The following BPTF variants were observed in gnomAD, a reference collection of about 807,000 sequenced individuals.
BPTF encodes bromodomain PHD finger transcription factor.
Under a neutral mutation model 292.5 loss-of-function variants are expected in BPTF, and 18 were observed. The ratio of observed to expected loss-of-function variants is 0.06; its 90% confidence interval spans 0.04 to 0.09. The LOEUF is 0.09. Among genes scored for constraint, BPTF ranks in the 10% least tolerant of loss-of-function variants. BPTF has a pLI of 1.00. For synonymous variants in BPTF, 1,225 were observed against 1,251.9 expected, an observed-to-expected ratio of 0.98 and a Z score of 0.45; for missense variants, 2,726 against 3,498.7, an observed-to-expected ratio of 0.78 and a Z score of 5.57.
chr17:67,844,167 C>A (rs1168954257), intron 1 of BPTF, among the ~76,000 whole-genome samples: 1 of 150,068 alleles, frequency 6.7e-6, no homozygotes, highest in Non-Finnish European at 1.5e-5. Flanking sequence ...GCAACCTCCG[C>A]CTCCCAGGTT....
At chr17:67,979,352 G>T (rs1555695754) in intron 27 of BPTF, among the ~76,000 whole-genome samples, 1 of 152,050 alleles carries the variant, frequency 6.6e-6, no homozygotes, top group Non-Finnish European at 1.5e-5. Context: ...GTCGAGACCA[G>T]CCTGGCCAAC....
At position 67,923,006 on chromosome 17, in the gene BPTF, A is replaced by G; in HGVS notation, c.5708+16A>G. On this transcript the variant is annotated intron_variant, in intron 14 of 27. Coordinates refer to ENST00000306378, the MANE Select transcript of BPTF (RefSeq NM_182641.4). ...TTGCTGAGAGGTAAGGAAATGGTTA[A>G]TACCTGGTCAGCTATTTGAAGATTT... 6.3e-7 allele frequency: 1 copy of G among 1,598,954 alleles called. No individual in the cohort carries two copies. Among genetic ancestry groups the G allele is most frequent in the Non-Finnish European group, 8.5e-7 (1 of 1,175,882 alleles).
intron 1 of BPTF, among the ~76,000 whole-genome samples, chr17:67,836,367 C>T (rs1320389396): frequency 6.6e-6 from 1 of 152,142 alleles, no homozygotes; most frequent in Non-Finnish European, 1.5e-5. Context: ...GCTTCTTGCT[C>T]GATTTCAGTA....
At chr17:67,968,536 T>C (rs572330051) in intron 26 of BPTF, among the ~76,000 whole-genome samples, 1 of 151,530 alleles carries the variant, frequency 6.6e-6, no homozygotes, top group Non-Finnish European at 1.5e-5. Flanking sequence ...ACCAGCACTT[T>C]GGGAGGCTGA....
chr17:67,862,648 T>G lies in BPTF; in HGVS notation c.1437-3816T>G, dbSNP rs145809187. 2.0e-4 allele frequency among the ~76,000 whole-genome samples: 30 copies of G among 152,288 alleles called. No individual in the cohort carries two copies. In the East Asian group the frequency reaches 5.6e-3, roughly 28 times the overall value. ...TGAATTGCTAGTTTTATCAGTTTCC[T>G]GCAGCTGCTATAACAAAGTACTATA... On this transcript the variant is annotated intron_variant, in intron 2 of 27. Coordinates refer to ENST00000306378, the MANE Select transcript of BPTF (RefSeq NM_182641.4).
chr17:67,905,958 G>A (rs1455082960), intron 9 of BPTF, among the ~76,000 whole-genome samples: 1 of 152,090 alleles, frequency 6.6e-6, no homozygotes, highest in East Asian at 1.9e-4. Flanking sequence ...TAAATGTAGA[G>A]TTAATGGGTG....
At chr17:67,920,857 A>C (rs550124061) in intron 13 of BPTF, among the ~76,000 whole-genome samples, 1 of 152,230 alleles carries the variant, frequency 6.6e-6, no homozygotes, top group Non-Finnish European at 1.5e-5. Context: ...GAAAATATAT[A>C]AATTCCATTT....
At chr17:67,871,007 G>A (rs537695667) in intron 3 of BPTF, among the ~76,000 whole-genome samples, 11 of 151,742 alleles carry the variant, frequency 7.2e-5, no homozygotes, top group South Asian at 2.1e-4. Context: ...TCCTGACCTC[G>A]TGATCCGCCC....
At chr17:67,969,521 A>G (rs2068530903) in intron 26 of BPTF, among the ~76,000 whole-genome samples, 1 of 145,864 alleles carries the variant, frequency 6.9e-6, no homozygotes, top group Non-Finnish European at 1.5e-5. Context: ...ATGGGTGTTA[A>G]AATTCATATC....
chr17:67,881,310 CTT>C (rs1447641889), intron 4 of BPTF, among the ~76,000 whole-genome samples: 1 of 152,022 alleles, frequency 6.6e-6, no homozygotes, highest in African/African-American at 2.4e-5. Context: ...TTTCAACTGT[CTT>C]TGGCAAGAAT....
chr17:67,843,600 A>G (rs1695354747), intron 1 of BPTF, among the ~76,000 whole-genome samples: 1 of 149,228 alleles, frequency 6.7e-6, no homozygotes, highest in South Asian at 2.1e-4. Context: ...ATCTAGATAT[A>G]TATGTATAAA....
In BPTF at chr17:67,891,992, C is replaced by T. The variant is rs139591786; in HGVS notation, c.2013C>T (p.Ala671=). 1.2e-4 allele frequency: 192 copies of T among 1,606,914 alleles called. No individual in the cohort carries two copies. The highest frequency in any genetic ancestry group is 6.4e-4 in the African/African-American group (48 of 74,534). The change falls in exon 5 of 28, where the codon GCC becomes GCT. Residue 671 remains alanine, a synonymous_variant. Transcript: ENST00000306378. ...AGCTGAAGAGCCAGCAGGTGGCAGC[C>T]GCTGCACATGAAGCAAATAAATTAT... ...LSQLKSQQVA[A]AAHEANKLFK...
At chr17:67,880,834 A>G (rs147844799) in intron 4 of BPTF, among the ~76,000 whole-genome samples, 64 of 152,050 alleles carry the variant, frequency 4.2e-4, no homozygotes, top group Non-Finnish European at 8.1e-4. Flanking sequence ...CTATCAGAGA[A>G]CATTCTATGC....
chr17:67,981,612 G>T, intron 27 of BPTF: 1 of 1,042,558 alleles, frequency 9.6e-7, no homozygotes. Context: ...TACTCTAGCA[G>T]CCATGTTGAA....
chr17:67,825,516 G>C lies in BPTF; in HGVS notation c.-209G>C, dbSNP rs2055901112. 4 of 421,434 alleles carry C rather than the reference G, an allele frequency of 9.5e-6. No individual in the cohort carries two copies. The highest frequency in any genetic ancestry group is 4.4e-4 in the Middle Eastern group (1 of 2,286). The allele number at this position is 421,434 out of a possible 1,614,324, so 26.1% of individuals were successfully genotyped here. On this transcript the variant is annotated 5_prime_UTR_variant, in exon 1 of 28. Coordinates refer to ENST00000306378, the MANE Select transcript of BPTF (RefSeq NM_182641.4). ...GTCGGTTCCCCCAGTCACCGAGCGA[G>C]AGGGAAGAAACAAGATGGCGGCTGA...
Position 67,854,082 on chromosome 17 carries a change from A to C in BPTF, c.756A>C (p.Val252=). The part of the protein sequence containing the change: ...HIMNVIAIYE[V]LRNFGTVLRL... ...TGAATGTCATTGCCATTTACGAGGT[A>C]CTGCGGAACTTTGGCACTGTTTTGA... is the stretch of plus-strand genomic sequence containing the variant. Residue 252 remains valine (V), a synonymous_variant, in exon 2 of 28, where the codon GTA becomes GTC. Coordinates refer to ENST00000306378, the MANE Select transcript of BPTF (RefSeq NM_182641.4). The surrounding 1 kb of genome is among the most constrained non-coding windows in gnomAD (Gnocchi z 5.6). 1 of 1,614,212 alleles carries C rather than the reference A, an allele frequency of 6.2e-7. No individual in the cohort carries two copies. Among genetic ancestry groups the C allele is most frequent in the Non-Finnish European group, 8.5e-7 (1 of 1,180,038 alleles).
At chr17:67,886,325 A>T (rs2060745619) in intron 4 of BPTF, 1 of 1,574,036 alleles carries the variant, frequency 6.4e-7, no homozygotes, top group Non-Finnish European at 8.7e-7. Flanking sequence ...AGGTAAGAAT[A>T]TACTTCATCC....
intron 7 of BPTF, among the ~76,000 whole-genome samples, chr17:67,901,596 C>A (rs769338145): frequency 6.6e-6 from 1 of 152,118 alleles, no homozygotes; most frequent in East Asian, 1.9e-4. Flanking sequence ...CTAATACAAA[C>A]AAGACAAAGG....
chr17:67,874,591 A>G (rs879536155), intron 3 of BPTF, among the ~76,000 whole-genome samples: 1 of 152,224 alleles, frequency 6.6e-6, no homozygotes, highest in Non-Finnish European at 1.5e-5. Context: ...AGTAGAGCCC[A>G]TAATTAGCAT....
Sources: allele counts gnomAD v4.1 joint callset (sites outside exome capture counted in the v4.1 genomes callset), GRCh38; gene constraint gnomAD v4.1.1; non-coding constraint Gnocchi (gnomAD v3.1); transcripts MANE v1.5; gene names NCBI Gene and HGNC (gene_info 2026-07-23, HGNC 2026-07-21).